FIGN: variants seen among roughly 807,000 people sequenced by gnomAD.
FIGN encodes the protein fidgetin, microtubule severing factor, also known as fidgetin.
A neutral mutation model predicts 51.3 loss-of-function variants in FIGN; 11 were observed. The observed-to-expected ratio is 0.21, with a 90% CI of 0.13 to 0.35. The LOEUF (loss-of-function observed/expected upper bound fraction) is 0.35. Ranked by LOEUF, FIGN falls within the 10% of genes least tolerant of loss-of-function variation. FIGN has a pLI of 1.00. For synonymous variants in FIGN, 407 were observed against 363.2 expected, an observed-to-expected ratio of 1.12 and a Z score of -1.37; for missense variants, 857 against 943.6, an observed-to-expected ratio of 0.91 and a Z score of 1.20.
At chr2:163,651,131 G>C (rs1683467186) in intron 2 of FIGN, among the ~76,000 whole-genome samples, 1 of 152,168 alleles carries the variant, frequency 6.6e-6, no homozygotes, top group Non-Finnish European at 1.5e-5. Flanking sequence ...ACATTTTATA[G>C]TCTGGGTTTC....
chr2:163,634,720 G>GA (rs1683199365), intron 2 of FIGN, among the ~76,000 whole-genome samples: 1 of 152,124 alleles, frequency 6.6e-6, no homozygotes. Context: ...TTAGACTGAT[G>GA]AACAGTTACA....
chr2:163,718,841 G>A (rs948475040), intron 2 of FIGN, among the ~76,000 whole-genome samples: 2 of 147,068 alleles, frequency 1.4e-5, no homozygotes, highest in Non-Finnish European at 3.0e-5. Flanking sequence ...CAGAGAGAGT[G>A]AGAGAGAGAG....
chr2:163,708,007 A>C (rs1684528603), intron 2 of FIGN, among the ~76,000 whole-genome samples: 1 of 152,168 alleles, frequency 6.6e-6, no homozygotes, highest in Non-Finnish European at 1.5e-5. Context: ...CAATAGCACA[A>C]ATTTCTCAAC....
intron 2 of FIGN, among the ~76,000 whole-genome samples, chr2:163,659,509 G>C (rs1363832334): frequency 6.6e-6 from 1 of 152,142 alleles, no homozygotes; most frequent in African/African-American, 2.4e-5. Context: ...GAAGGGCTTG[G>C]AAATGTATCC....
intron 2 of FIGN, among the ~76,000 whole-genome samples, chr2:163,628,513 G>T (rs1013316485): frequency 1.3e-5 from 2 of 152,092 alleles, no homozygotes; most frequent in Non-Finnish European, 2.9e-5. Flanking sequence ...TTGACTGTTT[G>T]GACTTTATCC....
At chr2:163,685,816 T>C (rs1050287959) in intron 2 of FIGN, among the ~76,000 whole-genome samples, 8 of 152,230 alleles carry the variant, frequency 5.3e-5, no homozygotes, top group Admixed American at 3.9e-4. Context: ...TGACTTTCAT[T>C]ATGGATATTG....
chr2:163,702,588 G>GA (rs1254054807), intron 2 of FIGN, among the ~76,000 whole-genome samples: 2 of 150,896 alleles, frequency 1.3e-5, no homozygotes, highest in African/African-American at 2.4e-5. Context: ...TACTCTGAAA[G>GA]AAAAAAGAAA....
chr2:163,720,771 C>G (rs753586053), intron 2 of FIGN, among the ~76,000 whole-genome samples: 1 of 152,134 alleles, frequency 6.6e-6, no homozygotes, highest in Non-Finnish European at 1.5e-5. Flanking sequence ...ACAGGTTGCT[C>G]TACTAAATAA....
Position 163,683,674 on chromosome 2 carries a change from A to G in FIGN, c.25+51229T>C, listed in dbSNP as rs535535370. Reference sequence around the variant, plus strand: ...TGGGGAGCTTTAAAAAATACTGATAACTGGTTCTCACCCCCTGGAGACTCT... The same window carrying G: ...TGGGGAGCTTTAAAAAATACTGATAGCTGGTTCTCACCCCCTGGAGACTCT... On this transcript the variant is annotated intron_variant, in intron 2 of 2. Transcript: ENST00000333129. Among the ~76,000 whole-genome samples the G allele has an allele frequency of 6.6e-5, 10 of 152,144 alleles. No individual in the cohort carries two copies. The South Asian group carries it at 1.2e-3, about 19-fold the overall frequency.
At chr2:163,638,491 G>C (rs970267205) in intron 2 of FIGN, among the ~76,000 whole-genome samples, 10 of 152,014 alleles carry the variant, frequency 6.6e-5, no homozygotes, top group African/African-American at 2.4e-4. Flanking sequence ...AAGTCTTAAA[G>C]AACAATTAAA....
intron 2 of FIGN, among the ~76,000 whole-genome samples, chr2:163,687,803 TA>T (rs1684173553): frequency 6.6e-6 from 1 of 152,128 alleles, no homozygotes; most frequent in Non-Finnish European, 1.5e-5. Flanking sequence ...AAAGTAGAAA[TA>T]AAAATGAACA....
rs183910530 is a variant in FIGN, at chr2:163,659,936, C to T, written c.26-48130G>A. Among the ~76,000 whole-genome samples, 21 of 151,974 alleles carry T rather than the reference C, an allele frequency of 1.4e-4. No individual in the cohort carries two copies. The East Asian group carries it at 3.5e-3, about 25-fold the overall frequency. On this transcript the variant is annotated intron_variant, in intron 2 of 2. Transcript: ENST00000333129. ...TGGCCAACATAGTGAAACCTCATCT[C>T]TACTGAAATAAAAAAATTAGCTAGG...
chr2:163,669,035 T>TATAC (rs1253146995), intron 2 of FIGN, among the ~76,000 whole-genome samples: 8 of 148,588 alleles, frequency 5.4e-5, no homozygotes, highest in African/African-American at 1.5e-4. Context: ...TATATATATA[T>TATAC]ACACTATAAA....
At chr2:163,723,493 G>A (rs756515289) in intron 2 of FIGN, among the ~76,000 whole-genome samples, 5 of 152,098 alleles carry the variant, frequency 3.3e-5, no homozygotes, top group Admixed American at 6.5e-5. Context: ...AGTAGACGTC[G>A]AAATCAATCC....
Position 163,610,178 on chromosome 2 carries a change from C to G in FIGN, c.1654G>C (p.Gly552Arg), listed in dbSNP as rs755526237. 1.2e-6 allele frequency: 2 copies of G among 1,614,084 alleles called. No homozygotes were observed. Among genetic ancestry groups the G allele is most frequent in the Middle Eastern group, 1.6e-4 (1 of 6,062 alleles). ...AACCACTTGGCGACTAGTCCAGAAC[C>G]GGCAATTTTGAAAAATGTGGCCCCC... ...QLGATFFKIA[G>R]SGLVAKWLGE... Residue 552 changes from glycine to arginine, a missense_variant, in exon 3 of 3, where the codon GGT (glycine) becomes CGT (arginine). Transcript: ENST00000333129.
intron 2 of FIGN, among the ~76,000 whole-genome samples, chr2:163,706,998 C>A (rs1684510248): frequency 6.6e-6 from 1 of 152,160 alleles, no homozygotes; most frequent in Non-Finnish European, 1.5e-5. Flanking sequence ...CATTTCTTTT[C>A]TGTCTTCATT....
rs570680873 is a variant in FIGN at position 163,719,951 on chromosome 2, T to C, written c.25+14952A>G. Among the ~76,000 whole-genome samples, 3 of 152,308 alleles carry C rather than the reference T, an allele frequency of 2.0e-5. No homozygotes were observed. In the East Asian group the frequency reaches 5.8e-4, roughly 29 times the overall value. On this transcript the variant is annotated intron_variant, in intron 2 of 2. Coordinates refer to ENST00000333129, the MANE Select transcript of FIGN (RefSeq NM_018086.4). ...AGAAGCAACTTATTATCACCATTAA[T>C]GTTTGTCATCACCCAAGCTGAAATC...
chr2:163,731,448 A>G lies in FIGN; in HGVS notation c.25+3455T>C, dbSNP rs138606052. Among the ~76,000 whole-genome samples, 358 of 152,164 alleles carry G rather than the reference A, an allele frequency of 2.4e-3. 4 individuals are homozygous for G. Among genetic ancestry groups the G allele is most frequent in the African/African-American group, 8.3e-3 (344 of 41,546 alleles). ...TTATCATCTAAAAGTAATTAATGAA[A>G]TTTCTGCACTCTTGTATATCTATCA... On this transcript the variant is annotated intron_variant, in intron 2 of 2. Transcript: ENST00000333129.
chr2:163,697,697 C>T (rs562554847), intron 2 of FIGN, among the ~76,000 whole-genome samples: 60 of 152,284 alleles, frequency 3.9e-4, no homozygotes, highest in Non-Finnish European at 6.9e-4. Flanking sequence ...GGTAGTTCCA[C>T]AACACACCAG....
Sources: allele counts gnomAD v4.1 joint callset (sites outside exome capture counted in the v4.1 genomes callset), GRCh38; gene constraint gnomAD v4.1.1; transcripts MANE v1.5; gene names NCBI Gene and HGNC (gene_info 2026-07-23, HGNC 2026-07-21).